SLC39A13: variants seen among roughly 807,000 people sequenced by gnomAD.
The protein encoded by SLC39A13 is zinc transporter ZIP13.
In SLC39A13, 18 loss-of-function variants were observed where a neutral mutation model predicts 38.7. The ratio of observed to expected loss-of-function variants is 0.47; its 90% CI spans 0.32 to 0.69. The LOEUF (loss-of-function observed/expected upper bound fraction) is 0.69. Among genes scored for constraint, SLC39A13 ranks in the 30% least tolerant of loss-of-function variants. The probability of loss-of-function intolerance (pLI) is 0.03; values close to 1 mark genes in which losing one functional copy is unlikely to be tolerated. For synonymous variants in SLC39A13, 212 were observed against 219.1 expected (o/e 0.97, Z 0.29); for missense variants, 395 against 490.7 (o/e 0.80, Z 1.84).
At chr11:47,408,516 G>C (rs889060298), upstream of SLC39A13, 25 of 149,042 alleles carry the variant, frequency 1.7e-4, no homozygotes, top group African/African-American at 6.1e-4. Flanking sequence ...TTCCGGACAG[G>C]CCCCTTGTGA....
chr11:47,414,614 C>T, intron 7 of SLC39A13, 139 bp downstream of exon 7: 1 of 1,492,840 alleles, frequency 6.7e-7, no homozygotes. Flanking sequence ...GGCTGGAGCT[C>T]CTCACCCCAG....
At chr11:47,407,821 T>C (rs1269067480), upstream of SLC39A13, among the ~76,000 whole-genome samples, 1 of 152,204 alleles carries the variant, frequency 6.6e-6, no homozygotes, top group African/African-American at 2.4e-5. Flanking sequence ...GTCAGTAAAT[T>C]GCGGTTATAA....
chr11:47,410,377 AC>A lies in SLC39A13; in HGVS notation c.285del (p.Met96CysfsTer11), dbSNP rs2095992356. 1.2e-6 allele frequency: 2 copies of A among 1,613,682 alleles called. No homozygotes were observed. On this transcript the variant is annotated frameshift_variant, in exon 2 of 10. Transcript: ENST00000362021. LOFTEE classifies it high-confidence loss of function. ...PLLVIPLEMG[T>X]MLRSEAGAWR... is the part of the protein sequence containing the mutation. Reference sequence around the variant, plus strand: ...GCTTGTCATTCCCCTAGAGATGGGGACCATGCTGCGCTCAGAAGGTAGGTGA... The same window carrying A: ...GCTTGTCATTCCCCTAGAGATGGGGACATGCTGCGCTCAGAAGGTAGGTGA...
chr11:47,414,479 A>C lies in SLC39A13; in HGVS notation c.786+4A>C. Reference sequence around the variant, plus strand: ...CCTGCATGAGATCCCCCATGAGGTGAGCGCTTGTAGGGCAGCCCCCAGGGG... The same window carrying C: ...CCTGCATGAGATCCCCCATGAGGTGCGCGCTTGTAGGGCAGCCCCCAGGGG... On this transcript the variant is annotated splice_donor_region_variant and intron_variant, in intron 7 of 9. Transcript: ENST00000362021. 6.2e-7 allele frequency: 1 copy of C among 1,612,068 alleles called. No individual in the cohort carries two copies. Among genetic ancestry groups the C allele is most frequent in the Non-Finnish European group, 8.5e-7 (1 of 1,179,290 alleles).
Position 47,414,870 on chromosome 11 carries a change from G to C in SLC39A13, c.880G>C (p.Ala294Pro). 1 of 1,612,430 alleles carries C rather than the reference G, an allele frequency of 6.2e-7. No individual in the cohort carries two copies. Among genetic ancestry groups the C allele is most frequent in the Non-Finnish European group, 8.5e-7 (1 of 1,179,914 alleles). ...AACAGCGCTGGGGGGCCTACTGGGC[G>C]CTGGCTTCGCCATCTGTACCCAGTC... is the stretch of plus-strand genomic sequence containing the variant. ...LSTALGGLLGAGFAICTQSPK... is the reference protein window; with the variant it reads ...LSTALGGLLGPGFAICTQSPK... The change falls in exon 8 of 10, where the codon GCT (alanine) becomes CCT (proline). Residue 294 changes from alanine to proline, a missense_variant. Physicochemically the swap from Ala to Pro is conservative, Grantham distance 27 (BLOSUM62 -1). Transcript: ENST00000362021.
intron 2 of SLC39A13, among the ~76,000 whole-genome samples, chr11:47,410,833 G>T (rs1440834848): frequency 6.6e-6 from 1 of 152,214 alleles, no homozygotes; most frequent in Admixed American, 6.5e-5. Context: ...CCAGGGGCTG[G>T]TGCTGCCAGC....
upstream of SLC39A13, chr11:47,408,582 G>C (rs1206504206): frequency 6.8e-6 from 1 of 146,886 alleles, no homozygotes; most frequent in Non-Finnish European, 1.5e-5. Context: ...CGGGCGGCCG[G>C]GCGGGGCAGA....
rs746264976 is a variant in SLC39A13 at position 47,413,440 on chromosome 11, A to G, written c.578A>G (p.Asn193Ser). The change falls in exon 5 of 10, where the codon AAT becomes AGT. Residue 193 changes from asparagine to serine, a missense_variant. Asn to Ser is a conservative substitution (Grantham distance 46). Coordinates refer to ENST00000362021, the MANE Select transcript of SLC39A13 (RefSeq NM_001128225.3). Reference sequence around the variant, plus strand: ...CCCACTGCTGCTGCCGCCGCGCTCAATGGAGGCCACTGTCTGGCCCAGCCG... The same window carrying G: ...CCCACTGCTGCTGCCGCCGCGCTCAGTGGAGGCCACTGTCTGGCCCAGCCG... ...KDPTAAAAAL[N>S]GGHCLAQPAA... 9.3e-6 allele frequency: 15 copies of G among 1,613,946 alleles called. No homozygotes were observed. In the Admixed American group the frequency reaches 1.3e-4, roughly 14 times the overall value.
chr11:47,408,312 C>G (rs1283522682), upstream of SLC39A13, among the ~76,000 whole-genome samples: 1 of 152,218 alleles, frequency 6.6e-6, no homozygotes. Flanking sequence ...CCCCGCAGAG[C>G]CGCCGCTTCC....
In SLC39A13 at chr11:47,415,130, C is replaced by G; in HGVS notation, c.1011C>G (p.Leu337=). ...GFLYIALVNV[L]PDLLEEEDPW... is the part of the protein sequence containing the mutation. ...TCTACATCGCCTTGGTGAACGTGCT[C>G]CCTGACCTCTTGGAAGAAGAGGACC... is the stretch of plus-strand genomic sequence containing the variant. Residue 337 remains leucine (L), a synonymous_variant, in exon 9 of 10, where the codon CTC becomes CTG. Transcript: ENST00000362021. 1 of 1,612,784 alleles carries G rather than the reference C, an allele frequency of 6.2e-7. No homozygotes were observed. Among genetic ancestry groups the G allele is most frequent in the South Asian group, 1.1e-5 (1 of 90,834 alleles).
At chr11:47,412,538 C>G in intron 4 of SLC39A13, 71 bp downstream of exon 4, 1 of 1,609,186 alleles carries the variant, frequency 6.2e-7, no homozygotes, top group South Asian at 1.1e-5. Context: ...CCTGGAGGCC[C>G]AGGGTCTGAG....
intron 3 of SLC39A13, 83 bp from the exon 4 acceptor site, chr11:47,412,263 A>C: frequency 1.3e-6 from 2 of 1,529,040 alleles, no homozygotes; most frequent in Non-Finnish European, 8.8e-7. Flanking sequence ...GGTGCCCTGG[A>C]TGAGATCCCA....
At chr11:47,412,534 G>A in intron 4 of SLC39A13, 67 bp downstream of exon 4, 1 of 1,610,358 alleles carries the variant, frequency 6.2e-7, no homozygotes. Flanking sequence ...GGGGCCTGGA[G>A]GCCCAGGGTC....
At chr11:47,408,293 G>C (rs149368018), upstream of SLC39A13, among the ~76,000 whole-genome samples, 3,287 of 152,170 alleles carry the variant, frequency 0.022, 53 homozygotes, top group Non-Finnish European at 0.034. Flanking sequence ...CAGCCTGGTC[G>C]ATCGCGGTCC....
rs1418143058 is a variant in SLC39A13, at chr11:47,412,389, G to A, written c.459G>A (p.Leu153=). Residue 153 remains leucine, a synonymous_variant, in exon 4 of 10, where the codon CTG becomes CTA. Coordinates refer to ENST00000362021, the MANE Select transcript of SLC39A13 (RefSeq NM_001128225.3). ...TGCAGCAGCAGCAACAGCTGGGGCT[G>A]TGGGTCATTGCTGGCATCCTGACCT... ...QSLQQQQQLG[L]WVIAGILTFL... is the part of the protein sequence containing the mutation. The A allele has an allele frequency of 1.9e-6, 3 of 1,614,212 alleles. No individual in the cohort carries two copies. The highest frequency in any genetic ancestry group is 1.7e-5 in the Admixed American group (1 of 60,028).
intron 6 of SLC39A13, 141 bp downstream of exon 6, chr11:47,413,827 C>A (rs1043889458): frequency 1.1e-6 from 1 of 916,584 alleles, no homozygotes; most frequent in Non-Finnish European, 1.7e-6. Flanking sequence ...CTCCCTGCTG[C>A]TGTCCTGGCC....
At chr11:47,407,575 G>A (rs548258668), upstream of SLC39A13, 1 of 152,384 alleles carries the variant, frequency 6.6e-6, no homozygotes, top group African/African-American at 2.4e-5. Flanking sequence ...CTCCTGTACT[G>A]GCTGATTTCC....
At chr11:47,411,087 A>G (rs1389569826) in intron 2 of SLC39A13, among the ~76,000 whole-genome samples, 1 of 152,194 alleles carries the variant, frequency 6.6e-6, no homozygotes, top group East Asian at 1.9e-4. Context: ...TCACCCAGCC[A>G]GGAAATAGCA....
In SLC39A13 at chr11:47,416,449, G is replaced by GTAAA. The variant is rs1263783432; in HGVS notation, c.*1089_*1092dup. 1 of 152,252 alleles carries GTAAA rather than the reference G, an allele frequency of 6.6e-6. No homozygotes were observed. The highest frequency in any genetic ancestry group is 1.9e-4 in the East Asian group (1 of 5,202). The allele number at this position is 152,252 out of a possible 1,614,324, so 9.4% of individuals were successfully genotyped here. On this transcript the variant is annotated 3_prime_UTR_variant, in exon 10 of 10. Transcript: ENST00000362021. ...CTTTGCTGTGATTCCGTTTGTATCT[G>GTAAA]TAAATATTTGTTCTATAGATAAGAT... is the stretch of plus-strand genomic sequence containing the variant.
Sources: allele counts gnomAD v4.1 joint callset (sites outside exome capture counted in the v4.1 genomes callset), GRCh38; gene constraint gnomAD v4.1.1; transcripts MANE v1.5; gene names NCBI Gene and HGNC (gene_info 2026-07-23, HGNC 2026-07-21).